Variants in FREM3 observed in about 807,000 individuals in gnomAD.
FREM3 encodes FRAS1 related extracellular matrix 3, also known as FRAS1-related extracellular matrix protein 3.
Under a neutral mutation model 129.1 loss-of-function variants are expected in FREM3, and 105 were observed. That is an observed-to-expected ratio of 0.81 (90% CI 0.69 to 0.96). The LOEUF is 0.96. Ranked by LOEUF, FREM3 falls within the 40% of genes least tolerant of loss-of-function variation. The pLI, the probability that FREM3 is intolerant of heterozygous loss-of-function variation, is 0.00. For missense variants in FREM3, 2,593 were observed against 2,666.3 expected (o/e 0.97, Z 0.61); for synonymous variants, 1,014 against 1,044.9 (o/e 0.97, Z 0.57).
chr4:143,679,929 C>T (rs530623575), intron 2 of FREM3, among the ~76,000 whole-genome samples: 1 of 152,184 alleles, frequency 6.6e-6, no homozygotes, highest in African/African-American at 2.4e-5. Flanking sequence ...GAACCCATTA[C>T]ATTATTATAA....
chr4:143,689,748 C>T (rs567417739), intron 2 of FREM3, among the ~76,000 whole-genome samples: 2 of 151,896 alleles, frequency 1.3e-5, no homozygotes, highest in Non-Finnish European at 2.9e-5. Context: ...TGGATGAGAT[C>T]GGAGACTATT....
intron 5 of FREM3, among the ~76,000 whole-genome samples, chr4:143,618,400 A>AAAAAAG (rs1250928308): frequency 1.4e-4 from 22 of 152,160 alleles, no homozygotes; most frequent in Middle Eastern, 3.4e-3. Context: ...TTGTGGTTAA[A>AAAAAAG]AAAAAGAAAA....
At chr4:143,650,988 C>T (rs1739501061) in intron 2 of FREM3, among the ~76,000 whole-genome samples, 1 of 152,194 alleles carries the variant, frequency 6.6e-6, no homozygotes, top group African/African-American at 2.4e-5. Context: ...TAAACAAACT[C>T]AGTGCTCATT....
chr4:143,616,447 A>G (rs1280778507), intron 5 of FREM3, among the ~76,000 whole-genome samples: 1 of 152,202 alleles, frequency 6.6e-6, no homozygotes, highest in Non-Finnish European at 1.5e-5. Flanking sequence ...AAAAGGAAAG[A>G]AAAAAGAAAG....
At chr4:143,610,015 A>C (rs1738728152) in intron 6 of FREM3, among the ~76,000 whole-genome samples, 2 of 152,204 alleles carry the variant, frequency 1.3e-5, no homozygotes, top group Admixed American at 1.3e-4. Context: ...ATTTACTCAA[A>C]TTATTTTAAG....
chr4:143,580,158 C>T (rs1284355412), intron 7 of FREM3, among the ~76,000 whole-genome samples: 1 of 152,068 alleles, frequency 6.6e-6, no homozygotes, highest in African/African-American at 2.4e-5. Flanking sequence ...TTAGTGTGTG[C>T]TGCTCTCATG....
chr4:143,589,526 G>T (rs1053179155), intron 6 of FREM3, among the ~76,000 whole-genome samples: 1 of 152,090 alleles, frequency 6.6e-6, no homozygotes, highest in Non-Finnish European at 1.5e-5. Flanking sequence ...GTTTTTCTCA[G>T]GTTTGGCAAA....
intron 4 of FREM3, among the ~76,000 whole-genome samples, chr4:143,623,835 C>T (rs977000601): frequency 2.6e-5 from 4 of 152,078 alleles, no homozygotes; most frequent in African/African-American, 9.7e-5. Flanking sequence ...TGCTTCGTAC[C>T]TATGGCGTGC....
chr4:143,648,871 C>G (rs761201307), intron 2 of FREM3, among the ~76,000 whole-genome samples: 3 of 152,112 alleles, frequency 2.0e-5, no homozygotes, highest in Non-Finnish European at 4.4e-5. Flanking sequence ...CAAGCTGTCT[C>G]CCACCTCAGC....
In FREM3 at chr4:143,697,251, C is replaced by G; in HGVS notation, c.3425G>C (p.Arg1142Thr). ...ATTGATATGCCTCACTTGGATATCT[C>G]TGAGGGAGAAAGCACTGATAGGGCT... ...SGSPISAFSLRDIQVRHINYV... is the reference protein window; with the variant it reads ...SGSPISAFSLTDIQVRHINYV... Residue 1142 changes from arginine to threonine, a missense_variant, in exon 1 of 8, where the codon AGA (arginine) becomes ACA (threonine). Physicochemically the swap from Arg to Thr is moderately conservative, Grantham distance 71 (BLOSUM62 -1). Transcript: ENST00000329798. 2 of 1,537,542 alleles carry G rather than the reference C, an allele frequency of 1.3e-6. No homozygotes were observed. Among genetic ancestry groups the G allele is most frequent in the Non-Finnish European group, 1.7e-6 (2 of 1,146,948 alleles).
chr4:143,676,512 A>G (rs1295572069), intron 2 of FREM3, among the ~76,000 whole-genome samples: 1 of 152,156 alleles, frequency 6.6e-6, no homozygotes, highest in African/African-American at 2.4e-5. Flanking sequence ...CACCACTCCT[A>G]TTCAACATAG....
chr4:143,653,657 A>G (rs1008940375), intron 2 of FREM3, among the ~76,000 whole-genome samples: 3 of 152,244 alleles, frequency 2.0e-5, no homozygotes, highest in African/African-American at 7.2e-5. Context: ...GAGAGGTTAT[A>G]CAAGAAGTGT....
intron 1 of FREM3, among the ~76,000 whole-genome samples, chr4:143,694,786 CAT>C (rs943533364): frequency 2.2e-4 from 34 of 152,248 alleles, no homozygotes; most frequent in Non-Finnish European, 3.2e-4. Flanking sequence ...ATTTTTTAAA[CAT>C]GTGTAAGTTT....
At chr4:143,586,178 A>C (rs188837596) in intron 6 of FREM3, among the ~76,000 whole-genome samples, 185 bp from the exon 7 acceptor site, 246 of 152,196 alleles carry the variant, frequency 1.6e-3, no homozygotes, top group Non-Finnish European at 2.9e-3. Context: ...CATCAGAGTC[A>C]CATACCATGA....
intron 2 of FREM3, among the ~76,000 whole-genome samples, chr4:143,647,814 A>T (rs766258547): frequency 6.6e-6 from 1 of 152,204 alleles, no homozygotes; most frequent in Non-Finnish European, 1.5e-5. Flanking sequence ...AGGGCAGTGC[A>T]GAAGGGAAAT....
chr4:143,589,981 G>A (rs986891444), intron 6 of FREM3, among the ~76,000 whole-genome samples: 1 of 152,006 alleles, frequency 6.6e-6, no homozygotes, highest in African/African-American at 2.4e-5. Context: ...GGATTCCTAG[G>A]TATTTTATTG....
rs149779212 is a variant in FREM3, at chr4:143,602,173, C to T, written c.6028+9106G>A. On this transcript the variant is annotated intron_variant, in intron 6 of 7. Coordinates refer to ENST00000329798, the MANE Select transcript of FREM3 (RefSeq NM_001168235.2). ...CTGGGAAATGAATGTGTGCTTTTCCCGATATTTTCTCAAATAGTCAATTTT... is the reference window on the plus strand; with the variant it reads ...CTGGGAAATGAATGTGTGCTTTTCCTGATATTTTCTCAAATAGTCAATTTT... 2.2e-4 allele frequency among the ~76,000 whole-genome samples: 34 copies of T among 152,166 alleles called. No individual in the cohort carries two copies. In the East Asian group the frequency reaches 5.2e-3, roughly 23 times the overall value.
chr4:143,584,147 C>CGCCT (rs1234396299), intron 7 of FREM3, among the ~76,000 whole-genome samples: 1 of 152,174 alleles, frequency 6.6e-6, no homozygotes, highest in African/African-American at 2.4e-5. Flanking sequence ...CGGTGGCTCA[C>CGCCT]GCCTGTAATC....
At chr4:143,581,649 C>T (rs1485215825) in intron 7 of FREM3, among the ~76,000 whole-genome samples, 2 of 152,172 alleles carry the variant, frequency 1.3e-5, no homozygotes, top group African/African-American at 2.4e-5. Flanking sequence ...GAGGGCTTTA[C>T]TCACACCTCT....
Sources: allele counts gnomAD v4.1 joint callset (sites outside exome capture counted in the v4.1 genomes callset), GRCh38; gene constraint gnomAD v4.1.1; transcripts MANE v1.5; gene names NCBI Gene and HGNC (gene_info 2026-07-23, HGNC 2026-07-21).